Variants in GPR162 observed in about 807,000 individuals in gnomAD.
GPR162 encodes the protein probable G protein-coupled receptor 162.
GPR162 carries 26 observed loss-of-function variants against 44.9 expected under a neutral mutation model. That is an observed-to-expected ratio of 0.58 (90% CI 0.42 to 0.80). The LOEUF (loss-of-function observed/expected upper bound fraction) is 0.80. GPR162 is among the 30% of genes least tolerant of loss of function. GPR162 has a pLI of 0.00. For synonymous variants in GPR162, 363 were observed against 335.2 expected, an observed-to-expected ratio of 1.08 and a Z score of -0.91; for missense variants, 704 against 802.3, an observed-to-expected ratio of 0.88 and a Z score of 1.48.
rs1181328271 is a variant in GPR162, at chr12:6,822,246, G to A, written c.-432+346G>A. ...CCACCAGCTGGGCCTGGGTGGAGGT[G>A]GGTGGGAAGGGGTCCAGGGCTGTAG... On this transcript the variant is annotated intron_variant, in intron 1 of 4. Transcript: ENST00000311268. This position sits in a 1 kb window ranked among gnomAD's most constrained non-coding sequence, Gnocchi z 4.2. Among the ~76,000 whole-genome samples, 1 of 152,160 alleles carries A rather than the reference G, an allele frequency of 6.6e-6. No individual in the cohort carries two copies. Among genetic ancestry groups the A allele is most frequent in the African/African-American group, 2.4e-5 (1 of 41,428 alleles).
intron 3 of GPR162, 57 bp from the exon 4 acceptor site, chr12:6,826,139 G>C: frequency 1.4e-6 from 2 of 1,411,574 alleles, no homozygotes; most frequent in Non-Finnish European, 2.0e-6. Context: ...AGGCAGTGGT[G>C]GGAGGCCGCG....
In GPR162 at chr12:6,824,264, C is replaced by T. The variant is rs374558935; in HGVS notation, c.366C>T (p.Pro122=). The change falls in exon 2 of 5, where the codon CCC becomes CCT. Residue 122 remains proline, a synonymous_variant. Transcript: ENST00000311268. ...ATCGCATGTGGATGGTGCGCTGGCC[C>T]GTCAACTACCGCCTCAGCAACGCCA... ...SYHRMWMVRW[P]VNYRLSNAKK... is the part of the protein sequence containing the mutation. The T allele has an allele frequency of 1.7e-5, 27 of 1,614,048 alleles. No homozygotes were observed. Among genetic ancestry groups the T allele is most frequent in the Middle Eastern group, 1.6e-4 (1 of 6,062 alleles).
In GPR162 at chr12:6,824,008, G is replaced by C; in HGVS notation, c.110G>C (p.Ser37Thr). The change falls in exon 2 of 5, where the codon AGC becomes ACC. Residue 37 changes from serine (S) to threonine (T), a missense_variant. Physicochemically the swap from Ser to Thr is moderately conservative, Grantham distance 58. Around this residue, in one of 6 missense-constraint regions of GPR162, gnomAD observed 110 missense variants for 206.2 expected, o/e 0.53. Transcript: ENST00000311268. ...ALLANAWIIL[S>T]ISAKQQKHKP... ...CTGGCCAATGCCTGGATCATCCTCA[G>C]CATCTCGGCCAAGCAGCAGAAGCAC... 6.2e-7 allele frequency: 1 copy of C among 1,609,424 alleles called. No individual in the cohort carries two copies. Among genetic ancestry groups the C allele is most frequent in the Non-Finnish European group, 8.5e-7 (1 of 1,179,654 alleles).
intron 3 of GPR162, 94 bp from the exon 4 acceptor site, chr12:6,826,102 A>G: frequency 2.2e-6 from 2 of 923,018 alleles, no homozygotes; most frequent in South Asian, 1.5e-5. Context: ...GCTAATGGGA[A>G]CTAAAGGGGT....
Position 6,826,986 on chromosome 12 carries a change from C to G in GPR162, c.1549C>G (p.Pro517Ala), listed in dbSNP as rs782179188. 1.1e-5 allele frequency: 18 copies of G among 1,613,212 alleles called. No individual in the cohort carries two copies. The highest frequency in any genetic ancestry group is 8.5e-6 in the Non-Finnish European group (10 of 1,180,002). Residue 517 changes from proline (P) to alanine (A), a missense_variant, in exon 5 of 5, where the codon CCG becomes GCG. Physicochemically the swap from Pro to Ala is conservative, Grantham distance 27. This residue lies in a region of GPR162 where 404 missense variants were observed against 314.1 expected (regional missense o/e 1.29). Transcript: ENST00000311268. Reference protein sequence around the residue: ...TFIDETPLPSPTASPGHSPRR... With the variant: ...TFIDETPLPSATASPGHSPRR... The stretch of plus-strand genomic sequence containing the variant: ...CATCGATGAGACACCTCTGCCTTCT[C>G]CGACTGCCTCACCAGGGCACTCTCC...
At chr12:6,823,036 C>T (rs1171888636) in intron 1 of GPR162, among the ~76,000 whole-genome samples, 1 of 152,220 alleles carries the variant, frequency 6.6e-6, no homozygotes, top group Non-Finnish European at 1.5e-5. Flanking sequence ...ATCCAGGAGA[C>T]CGGCAGGTAG....
At position 6,822,078 on chromosome 12, in the gene GPR162, G is replaced by A. The variant is rs1943288424; in HGVS notation, c.-432+178G>A. 6.6e-6 allele frequency among the ~76,000 whole-genome samples: 1 copy of A among 152,174 alleles called. No individual in the cohort carries two copies. The highest frequency in any genetic ancestry group is 2.1e-4 in the South Asian group (1 of 4,832). ...CTTACCCCTTCACCCCAAAGGGCGA[G>A]GGACCCCGTCGGCCAGGGAACCTCC... On this transcript the variant is annotated intron_variant, in intron 1 of 4. Coordinates refer to ENST00000311268, the MANE Select transcript of GPR162 (RefSeq NM_019858.2). This position sits in a 1 kb window ranked among gnomAD's most constrained non-coding sequence, Gnocchi z 4.2.
Position 6,822,617 on chromosome 12 carries a change from G to A in GPR162, c.-432+717G>A, listed in dbSNP as rs535191384. On this transcript the variant is annotated intron_variant, in intron 1 of 4. Transcript: ENST00000311268. This position sits in a 1 kb window ranked among gnomAD's most constrained non-coding sequence, Gnocchi z 4.2. ...TCCTTCCTCCCATGAGAGGGAAACT[G>A]AGGCTCTGGGCCAGGGAGGAAGAGT... Among the ~76,000 whole-genome samples, 32 of 152,104 alleles carry A rather than the reference G, an allele frequency of 2.1e-4. No homozygotes were observed. Among genetic ancestry groups the A allele is most frequent in the Non-Finnish European group, 4.0e-4 (27 of 68,004 alleles).
rs782041222 is a variant in GPR162 at position 6,822,409 on chromosome 12, G to A, written c.-432+509G>A. Among the ~76,000 whole-genome samples the A allele has an allele frequency of 6.6e-6, 1 of 152,292 alleles. No individual in the cohort carries two copies. Among genetic ancestry groups the A allele is most frequent in the East Asian group, 1.9e-4 (1 of 5,184 alleles). ...GACCAGGACCTCTTGGGGAAAGCAA[G>A]GGTCTGAGCTGCTTCCATGGGAAAC... On this transcript the variant is annotated intron_variant, in intron 1 of 4. Coordinates refer to ENST00000311268, the MANE Select transcript of GPR162 (RefSeq NM_019858.2). The surrounding 1 kb of genome is among the most constrained non-coding windows in gnomAD (Gnocchi z 4.2).
rs781834006 is a variant in GPR162 at position 6,826,769 on chromosome 12, C to T, written c.1332C>T (p.Ala444=). 1.9e-6 allele frequency: 3 copies of T among 1,608,624 alleles called. No individual in the cohort carries two copies. Among genetic ancestry groups the T allele is most frequent in the South Asian group, 2.2e-5 (2 of 90,304 alleles). Residue 444 remains alanine (A), a synonymous_variant, in exon 5 of 5, where the codon GCC becomes GCT. Transcript: ENST00000311268. ...SSSDDIRVLP[A]QSRALGGPPE... ...CTGATGACATCCGGGTCCTCCCAGC[C>T]CAGAGCCGGGCCCTCGGGGGTCCTC...
chr12:6,823,969 G>A lies in GPR162; in HGVS notation c.71G>A (p.Gly24Glu), dbSNP rs1179402884. The A allele has an allele frequency of 6.2e-7, 1 of 1,600,104 alleles. No individual in the cohort carries two copies. The highest frequency in any genetic ancestry group is 1.3e-5 in the African/African-American group (1 of 74,772). Residue 24 changes from glycine to glutamate, a missense_variant, in exon 2 of 5, where the codon GGG (glycine) becomes GAG (glutamate). Transcript: ENST00000311268. ...RSNALSWLACGLLALLANAWI... is the reference protein window; with the variant it reads ...RSNALSWLACELLALLANAWI... ...AACGCATTGTCCTGGCTGGCCTGTGGGCTCCTGGCGCTGCTGGCCAATGCC... is the reference window on the plus strand; with the variant it reads ...AACGCATTGTCCTGGCTGGCCTGTGAGCTCCTGGCGCTGCTGGCCAATGCC...
intron 3 of GPR162, 73 bp from the exon 4 acceptor site, chr12:6,826,123 T>A (rs782099998): frequency 1.6e-5 from 19 of 1,170,630 alleles, no homozygotes; most frequent in Middle Eastern, 2.7e-4. Flanking sequence ...CTCTGGGAGC[T>A]TATAAAGGCA....
At chr12:6,825,416 T>C (rs782450393) in intron 2 of GPR162, 68 bp from the exon 3 acceptor site, 197 of 945,318 alleles carry the variant, frequency 2.1e-4, no homozygotes, top group South Asian at 1.6e-3. Context: ...CCAGCTGCAC[T>C]AGGATATGGG....
At position 6,824,669 on chromosome 12, in the gene GPR162, G is replaced by A. The variant is rs1555119727; in HGVS notation, c.771G>A (p.Leu257=). 1 of 1,614,042 alleles carries A rather than the reference G, an allele frequency of 6.2e-7. No individual in the cohort carries two copies. Among genetic ancestry groups the A allele is most frequent in the Non-Finnish European group, 8.5e-7 (1 of 1,179,984 alleles). The change falls in exon 2 of 5, where the codon CTG becomes CTA. Residue 257 remains leucine, a synonymous_variant. Coordinates refer to ENST00000311268, the MANE Select transcript of GPR162 (RefSeq NM_019858.2). ...EDARGKRRSS[L]DGSESAKTSL... ...CCCGAGGGAAGCGGCGGTCCTCGCT[G>A]GATGGCTCGGAGTCTGCCAAGACAT...
In GPR162 at chr12:6,826,692, ATCT is replaced by A. The variant is rs1943361518; in HGVS notation, c.1259_1261del (p.Phe420del). ...GCGTCTGTCCCATGATGAGACAAAC[ATCT>A]TCTCTACCCCTCGGGAACCAGGCTC... On this transcript the variant is annotated inframe_deletion, in exon 5 of 5. Coordinates refer to ENST00000311268, the MANE Select transcript of GPR162 (RefSeq NM_019858.2). 1 of 1,533,514 alleles carries A rather than the reference ATCT, an allele frequency of 6.5e-7. No individual in the cohort carries two copies. Among genetic ancestry groups the A allele is most frequent in the African/African-American group, 1.4e-5 (1 of 71,940 alleles). 95.0% of individuals were successfully genotyped at this position (1,533,514 alleles called of 1,614,324 possible).
intron 3 of GPR162, 121 bp downstream of exon 3, chr12:6,825,794 AC>A (rs1943346461): frequency 2.4e-6 from 2 of 818,388 alleles, no homozygotes; most frequent in Non-Finnish European, 3.8e-6. Context: ...AATCTGCACC[AC>A]CCTGGGCTCC....
At chr12:6,825,288 A>T in intron 2 of GPR162, 196 bp from the exon 3 acceptor site, 1 of 598,250 alleles carries the variant, frequency 1.7e-6, no homozygotes, top group South Asian at 2.0e-5. Context: ...CTTTGTCTCC[A>T]GCACTCTCCC....
In GPR162 at chr12:6,827,335, T is replaced by C; in HGVS notation, c.*131T>C. 1 of 689,190 alleles carries C rather than the reference T, an allele frequency of 1.5e-6. No individual in the cohort carries two copies. The highest frequency in any genetic ancestry group is 2.4e-6 in the Non-Finnish European group (1 of 412,808). 42.7% of individuals were successfully genotyped at this position (689,190 alleles called of 1,614,324 possible). ...AGATTTGGGGCTCAGAAGGCCCTGC[T>C]CTCTCCCATCCAAGTGACCAGATGC... On this transcript the variant is annotated 3_prime_UTR_variant, in exon 5 of 5. Coordinates refer to ENST00000311268, the MANE Select transcript of GPR162 (RefSeq NM_019858.2).
intron 4 of GPR162, 50 bp from the exon 5 acceptor site, chr12:6,826,603 C>T (rs782617380): frequency 2.7e-6 from 4 of 1,473,260 alleles, no homozygotes; most frequent in Admixed American, 2.3e-5. Context: ...GTTCCTGCCT[C>T]TGCCTCTGTC....
Sources: gnomAD v4.1 joint callset for allele counts (sites outside exome capture counted in the v4.1 genomes callset) on GRCh38, gnomAD v4.1.1 for gene constraint, gnomAD v4.1.1 regional missense constraint, Gnocchi (gnomAD v3.1) non-coding constraint, MANE v1.5 for transcripts, NCBI Gene and HGNC (gene_info 2026-07-23, HGNC 2026-07-21) for gene names.